The following DCAF8L2 variants were observed in gnomAD, a reference collection of about 807,000 sequenced individuals.
DCAF8L2 encodes DDB1 and CUL4 associated factor 8 like 2.
For synonymous variants in DCAF8L2, 200 were observed against 190.9 expected (o/e 1.05, Z -0.39); for missense variants, 430 against 490.7 (o/e 0.88, Z 1.17).
intron 3 of DCAF8L2, among the ~76,000 whole-genome samples, chrX:27,700,308 G>T (rs2147266695): frequency 9.1e-6 from 1 of 110,486 alleles, no homozygotes; most frequent in African/African-American, 3.3e-5. Flanking sequence ...ACTGAAAAAG[G>T]AGGAATGAAA....
intron 4 of DCAF8L2, among the ~76,000 whole-genome samples, chrX:27,726,144 TTC>T (rs1323948268): frequency 9.0e-6 from 1 of 111,443 alleles, no homozygotes; most frequent in Non-Finnish European, 1.9e-5. Context: ...TTCAGGGCAT[TTC>T]TCTCTAGTCC....
At chrX:27,582,580 A>C in the DCAF8L2 span, among the ~76,000 whole-genome samples, 1 of 111,700 alleles carries the variant, frequency 9.0e-6, no homozygotes, top group South Asian at 3.8e-4. Flanking sequence ...CAAGAATACC[A>C]CAAACATGAT....
chrX:27,540,771 C>T, the DCAF8L2 span, among the ~76,000 whole-genome samples: 1 of 111,785 alleles, frequency 8.9e-6, no homozygotes, highest in Non-Finnish European at 1.9e-5. Flanking sequence ...GATGGATATA[C>T]TAATTACCTT....
rs891605227 is a variant in DCAF8L2 at position 27,640,161 on chromosome X, C to T, written c.-220+8161C>T. Among the ~76,000 whole-genome samples the T allele has an allele frequency of 1.7e-4, 19 of 111,430 alleles. 1 individual carries two copies. The highest frequency in any genetic ancestry group is 1.4e-3 in the Admixed American group (15 of 10,434). ...GAAACCATCATTCTCAGCAAACTAT[C>T]GCAAGGACAAAAAACCAAACACTGC... On this transcript the variant is annotated intron_variant, in intron 2 of 4. Transcript: ENST00000451261.
chrX:27,704,216 G>A (rs111314287), intron 3 of DCAF8L2, among the ~76,000 whole-genome samples: 1,562 of 78,450 alleles, frequency 0.02, 15 homozygotes, highest in Middle Eastern at 0.048. Flanking sequence ...GTACACACGC[G>A]CGCACATGTG....
At chrX:27,576,062 T>C in the DCAF8L2 span, among the ~76,000 whole-genome samples, 166 of 112,494 alleles carry the variant, frequency 1.5e-3, no homozygotes, top group African/African-American at 4.9e-3. Context: ...AAGTGTTCTA[T>C]TGACAATGCA....
At chrX:27,702,839 G>T (rs1174943093) in intron 3 of DCAF8L2, among the ~76,000 whole-genome samples, 1 of 111,410 alleles carries the variant, frequency 9.0e-6, no homozygotes, top group African/African-American at 3.3e-5. Flanking sequence ...TGTATTGGAA[G>T]TTCTAGCCAG....
upstream of DCAF8L2, among the ~76,000 whole-genome samples, chrX:27,585,792 A>G (rs1925893129): frequency 9.0e-6 from 1 of 111,396 alleles, no homozygotes; most frequent in Admixed American, 9.6e-5. Flanking sequence ...CACTGTTTCA[A>G]TTTAAATGGT....
At chrX:27,689,164 T>C (rs1930617808) in intron 3 of DCAF8L2, among the ~76,000 whole-genome samples, 1 of 112,463 alleles carries the variant, frequency 8.9e-6, no homozygotes, top group Admixed American at 9.5e-5. Context: ...TCCTTTAGGG[T>C]TTTATTGAAT....
the DCAF8L2 span, chrX:27,518,188 C>A: frequency 2.2e-6 from 2 of 917,738 alleles, no homozygotes; most frequent in Non-Finnish European, 1.6e-6. Flanking sequence ...AACTGCAGTT[C>A]TTTTGGCTTC....
the DCAF8L2 span, among the ~76,000 whole-genome samples, chrX:27,585,147 C>T: frequency 9.0e-6 from 1 of 110,879 alleles, no homozygotes; most frequent in South Asian, 3.8e-4. Flanking sequence ...TTCCTCGTGT[C>T]TCCTTCATGC....
chrX:27,609,315 T>C (rs1927051852), intron 1 of DCAF8L2, among the ~76,000 whole-genome samples: 1 of 111,588 alleles, frequency 9.0e-6, no homozygotes, highest in African/African-American at 3.3e-5. Flanking sequence ...GGGAAAAGAT[T>C]TGACTTTCCA....
intron 4 of DCAF8L2, among the ~76,000 whole-genome samples, chrX:27,741,217 A>G (rs1690547165): frequency 8.9e-6 from 1 of 111,774 alleles, no homozygotes; most frequent in African/African-American, 3.3e-5. Flanking sequence ...TGTTCTTTGC[A>G]ATGGGTCAAG....
intron 1 of DCAF8L2, among the ~76,000 whole-genome samples, chrX:27,623,612 C>T (rs1927884411): frequency 9.3e-6 from 1 of 107,413 alleles, no homozygotes; most frequent in South Asian, 4.0e-4. Context: ...TTACTGCCTA[C>T]AAAAAAAAAT....
chrX:27,628,494 G>T (rs1469715649), intron 1 of DCAF8L2, among the ~76,000 whole-genome samples: 1 of 111,325 alleles, frequency 9.0e-6, no homozygotes, highest in Non-Finnish European at 1.9e-5. Flanking sequence ...TTTTAATTTT[G>T]AGGAACCTCC....
At position 27,590,351 on chromosome X, in the gene DCAF8L2, C is replaced by T. The variant is rs900690086; in HGVS notation, c.-431C>T. The T allele has an allele frequency of 3.6e-5, 4 of 111,275 alleles. No homozygotes were observed. The highest frequency in any genetic ancestry group is 1.9e-4 in the Admixed American group (2 of 10,386). The allele number at this position is 111,275 out of a possible 1,213,427, so 9.2% of individuals were successfully genotyped here. A position where few individuals can be genotyped will look rare whatever the true frequency, so the allele number is the denominator to read the frequency against. On this transcript the variant is annotated 5_prime_UTR_variant, in exon 1 of 5. Coordinates refer to ENST00000451261, the MANE Select transcript of DCAF8L2 (RefSeq NM_001353450.2). Reference sequence around the variant, plus strand: ...GAGAGATAGTTTTGTTCTGTGGAGTCGCAAAAGCTGAACATCCTCCCCACA... The same window carrying T: ...GAGAGATAGTTTTGTTCTGTGGAGTTGCAAAAGCTGAACATCCTCCCCACA...
chrX:27,654,800 T>G (rs944289015), intron 2 of DCAF8L2, among the ~76,000 whole-genome samples: 5 of 112,264 alleles, frequency 4.5e-5, no homozygotes, highest in African/African-American at 1.6e-4. Flanking sequence ...GTTCATTTAC[T>G]TATACTTTGA....
At chrX:27,528,505 C>T in the DCAF8L2 span, among the ~76,000 whole-genome samples, 1 of 82,701 alleles carries the variant, frequency 1.2e-5, no homozygotes, top group African/African-American at 4.2e-5. Context: ...TATATATACA[C>T]ACACACACAC....
At chrX:27,640,013 T>A (rs1039233252) in intron 2 of DCAF8L2, among the ~76,000 whole-genome samples, 1 of 111,942 alleles carries the variant, frequency 8.9e-6, no homozygotes, top group Non-Finnish European at 1.9e-5. Context: ...TATGTACACG[T>A]GTCATGTTGG....
Sources: gnomAD v4.1 joint callset for allele counts (sites outside exome capture counted in the v4.1 genomes callset) on GRCh38, gnomAD v4.1.1 for gene constraint, MANE v1.5 for transcripts, NCBI Gene and HGNC (gene_info 2026-07-23, HGNC 2026-07-21) for gene names.